FLVCR2: variants seen among roughly 807,000 people sequenced by gnomAD.
FLVCR2 encodes FLVCR choline and putative heme transporter 2, also known as choline/ethanolamine transporter FLVCR2.
A neutral mutation model predicts 48.9 loss-of-function variants in FLVCR2; 38 were observed. The observed-to-expected ratio is 0.78, with a 90% CI of 0.60 to 1.02. The LOEUF (loss-of-function observed/expected upper bound fraction) is 1.02, where lower values mean the gene tolerates loss of function less well. FLVCR2 is among the 50% of genes least tolerant of loss of function. The pLI, the probability that FLVCR2 is intolerant of heterozygous loss-of-function variation, is 0.00. For synonymous variants in FLVCR2, 255 were observed against 257.0 expected (o/e 0.99, Z 0.07); for missense variants, 664 against 663.3 (o/e 1.00, Z -0.01).
chr14:75,645,299 C>G (rs1890396841), intron 9 of FLVCR2, among the ~76,000 whole-genome samples: 1 of 152,180 alleles, frequency 6.6e-6, no homozygotes, highest in African/African-American at 2.4e-5. Context: ...TAGCCCTGTG[C>G]ATGTCCTCTA....
In FLVCR2 at chr14:75,622,170, T is replaced by G. The variant is rs1377400493; in HGVS notation, c.761T>G (p.Phe254Cys). 1.9e-6 allele frequency: 3 copies of G among 1,614,070 alleles called. No homozygotes were observed. Among genetic ancestry groups the G allele is most frequent in the Non-Finnish European group, 1.7e-6 (2 of 1,179,952 alleles). Reference protein sequence around the residue: ...DELAYHISIMFYIIGGVATLL... With the variant: ...DELAYHISIMCYIIGGVATLL... Reference sequence around the variant, plus strand: ...CTTGCCTACCACATCAGCATCATGTTCTATATAATAGGAGGTGTGGCCACT... The same window carrying G: ...CTTGCCTACCACATCAGCATCATGTGCTATATAATAGGAGGTGTGGCCACT... The change falls in exon 2 of 10, where the codon TTC becomes TGC. Residue 254 changes from phenylalanine to cysteine, a missense_variant. Physicochemically the swap from Phe to Cys is radical, Grantham distance 205 (BLOSUM62 -2). Transcript: ENST00000238667.
intron 1 of FLVCR2, among the ~76,000 whole-genome samples, chr14:75,606,385 C>A (rs764456971): frequency 6.6e-5 from 10 of 152,148 alleles, no homozygotes; most frequent in Non-Finnish European, 1.5e-4. Context: ...TAGTAGCTGC[C>A]TTTTGAGCAA....
At chr14:75,608,283 T>C (rs1461544086) in intron 1 of FLVCR2, among the ~76,000 whole-genome samples, 2 of 152,182 alleles carry the variant, frequency 1.3e-5, no homozygotes, top group African/African-American at 4.8e-5. Flanking sequence ...AGCCTTCCTC[T>C]CATCGGCAAA....
intron 1 of FLVCR2, among the ~76,000 whole-genome samples, chr14:75,583,468 T>C (rs114777374): frequency 0.011 from 1,635 of 152,146 alleles, 34 homozygotes; most frequent in African/African-American, 0.038. Flanking sequence ...GGGATAGTAA[T>C]GGGCTCGTGA....
At chr14:75,611,296 G>A (rs988005901) in intron 1 of FLVCR2, among the ~76,000 whole-genome samples, 1 of 152,154 alleles carries the variant, frequency 6.6e-6, no homozygotes, top group Non-Finnish European at 1.5e-5. Context: ...AGGGAGTGTC[G>A]GGTGTGAGGG....
chr14:75,602,682 T>G (rs1017275382), intron 1 of FLVCR2, among the ~76,000 whole-genome samples: 2 of 152,012 alleles, frequency 1.3e-5, no homozygotes, highest in African/African-American at 4.8e-5. Flanking sequence ...AAGGAGAGAA[T>G]GGGGAGTTAC....
intron 1 of FLVCR2, among the ~76,000 whole-genome samples, chr14:75,593,671 G>C (rs1472324522): frequency 6.6e-6 from 1 of 152,230 alleles, no homozygotes; most frequent in Non-Finnish European, 1.5e-5. Context: ...ATAAGTTTAA[G>C]AGGGGACAAA....
rs1163085989 is a variant in FLVCR2 at position 75,591,806 on chromosome 14, C to CTTT, written c.669+12188_669+12190dup. On this transcript the variant is annotated intron_variant, in intron 1 of 9. Transcript: ENST00000238667. ...CCAGGCTCTCTTTTTCTCTTCATTC[C>CTTT]TTTTTTTTTTTTTTTTTTTTTTTTT... 1.3e-3 allele frequency among the ~76,000 whole-genome samples: 145 copies of CTTT among 109,314 alleles called. 3 individuals carry two copies. Among genetic ancestry groups the CTTT allele is most frequent in the African/African-American group, 4.4e-3 (116 of 26,344 alleles). 71.7% of individuals were successfully genotyped at this position (109,314 alleles called of 152,430 possible). A position where few individuals can be genotyped will look rare whatever the true frequency, so the allele number is the denominator to read the frequency against.
intron 1 of FLVCR2, among the ~76,000 whole-genome samples, chr14:75,592,212 A>G (rs991467172): frequency 1.3e-5 from 2 of 152,060 alleles, no homozygotes; most frequent in African/African-American, 4.8e-5. Context: ...ACATGCATGA[A>G]CAATAGTACC....
intron 1 of FLVCR2, among the ~76,000 whole-genome samples, chr14:75,584,934 T>A (rs1293043606): frequency 6.6e-6 from 1 of 152,210 alleles, no homozygotes; most frequent in African/African-American, 2.4e-5. Context: ...TCCAGCCACC[T>A]CTTTAAGAGG....
At chr14:75,607,919 T>C (rs1419343269) in intron 1 of FLVCR2, among the ~76,000 whole-genome samples, 1 of 151,988 alleles carries the variant, frequency 6.6e-6, no homozygotes, top group African/African-American at 2.4e-5. Context: ...CAAAAATAGT[T>C]AAAAAGTTGG....
At chr14:75,613,094 T>C (rs576782777) in intron 1 of FLVCR2, among the ~76,000 whole-genome samples, 1 of 152,164 alleles carries the variant, frequency 6.6e-6, no homozygotes, top group Admixed American at 6.5e-5. Context: ...AGTGTGGAAG[T>C]CACTTCCACA....
rs567248826 is a variant in FLVCR2, at chr14:75,583,902, G to A, written c.669+4261G>A. 8.5e-5 allele frequency among the ~76,000 whole-genome samples: 13 copies of A among 152,304 alleles called. No individual in the cohort carries two copies. In the South Asian group the frequency reaches 1.2e-3, roughly 15 times the overall value. Reference sequence around the variant, plus strand: ...TTACCTGAAGCTCAGTGTCTGTGACGGTCCAGGGGGCTTCCGAGGCGATTG... The same window carrying A: ...TTACCTGAAGCTCAGTGTCTGTGACAGTCCAGGGGGCTTCCGAGGCGATTG... On this transcript the variant is annotated intron_variant, in intron 1 of 9. Coordinates refer to ENST00000238667, the MANE Select transcript of FLVCR2 (RefSeq NM_017791.3).
chr14:75,617,439 T>C (rs771026019), intron 1 of FLVCR2, among the ~76,000 whole-genome samples: 25 of 152,190 alleles, frequency 1.6e-4, no homozygotes, highest in Non-Finnish European at 3.2e-4. Flanking sequence ...CCAGGCTGCC[T>C]CTCCATCCCT....
chr14:75,582,699 C>A (rs1443245187), intron 1 of FLVCR2, among the ~76,000 whole-genome samples: 2 of 152,094 alleles, frequency 1.3e-5, no homozygotes, highest in African/African-American at 4.8e-5. Context: ...TTAGGGAGAT[C>A]TTGTGTGGGG....
chr14:75,611,827 T>C (rs1889462049), intron 1 of FLVCR2, among the ~76,000 whole-genome samples: 1 of 152,190 alleles, frequency 6.6e-6, no homozygotes. Context: ...TGTGAGGGCA[T>C]AGATGAAATA....
At chr14:75,630,093 C>A (rs1295999375) in intron 3 of FLVCR2, among the ~76,000 whole-genome samples, 1 of 152,204 alleles carries the variant, frequency 6.6e-6, no homozygotes, top group African/African-American at 2.4e-5. Flanking sequence ...GATCTGGGGT[C>A]AGTGTTTCCC....
At chr14:75,592,766 A>G (rs894970607) in intron 1 of FLVCR2, among the ~76,000 whole-genome samples, 1 of 152,096 alleles carries the variant, frequency 6.6e-6, no homozygotes, top group Non-Finnish European at 1.5e-5. Context: ...AGGTGGGCGG[A>G]TCACCTGAGG....
intron 1 of FLVCR2, among the ~76,000 whole-genome samples, chr14:75,605,158 T>TC (rs1011591932): frequency 3.3e-5 from 5 of 151,962 alleles, no homozygotes; most frequent in East Asian, 1.9e-4. Flanking sequence ...TGACTTGAAC[T>TC]CCCCCCAAGC....
Sources: gnomAD v4.1 joint callset for allele counts (sites outside exome capture counted in the v4.1 genomes callset) on GRCh38, gnomAD v4.1.1 for gene constraint, MANE v1.5 for transcripts, NCBI Gene and HGNC (gene_info 2026-07-23, HGNC 2026-07-21) for gene names.